Variants in RFX7 observed in about 807,000 individuals in gnomAD.
RFX7 encodes the protein regulatory factor X7, also known as DNA-binding protein RFX7.
Under a neutral mutation model 111.8 loss-of-function variants are expected in RFX7, and 26 were observed. The observed-to-expected ratio is 0.23, with a 90% CI of 0.17 to 0.32. The LOEUF (loss-of-function observed/expected upper bound fraction) is 0.32, where lower values mean the gene tolerates loss of function less well. RFX7 is among the 10% of genes least tolerant of loss of function. The probability of loss-of-function intolerance (pLI) is 1.00; values close to 1 mark genes in which losing one functional copy is unlikely to be tolerated. For missense variants in RFX7, 1,573 were observed against 1,772.9 expected, an observed-to-expected ratio of 0.89 and a Z score of 2.02; for synonymous variants, 624 against 624.4, an observed-to-expected ratio of 1.00 and a Z score of 0.01.
At chr15:56,190,493 C>T (rs1463747132) in intron 2 of RFX7, among the ~76,000 whole-genome samples, 1 of 152,230 alleles carries the variant, frequency 6.6e-6, no homozygotes, top group African/African-American at 2.4e-5. Context: ...ATTCTATCTT[C>T]AGAACTCTTC....
At chr15:56,112,700 T>TCA (rs1187129492) in intron 5 of RFX7, among the ~76,000 whole-genome samples, 1 of 152,046 alleles carries the variant, frequency 6.6e-6, no homozygotes, top group Non-Finnish European at 1.5e-5. Flanking sequence ...GAAACTATCA[T>TCA]CAGAGCGAAC....
intron 5 of RFX7, among the ~76,000 whole-genome samples, chr15:56,111,175 G>T (rs9672209): frequency 0.95 from 124,495 of 130,384 alleles, 59,802 homozygotes; most frequent in East Asian, 1. Context: ...GAACGGGCCA[G>T]GATGACAATG....
At chr15:56,150,232 T>C (rs1321165319) in intron 3 of RFX7, among the ~76,000 whole-genome samples, 6 of 152,084 alleles carry the variant, frequency 3.9e-5, no homozygotes, top group Admixed American at 3.3e-4. Context: ...AGTCAGTGGC[T>C]TATAGCAGAC....
rs973600964 is a variant in RFX7, at chr15:56,095,414, T to C, written c.2314A>G (p.Lys772Glu). 1.2e-6 allele frequency: 2 copies of C among 1,613,182 alleles called. No homozygotes were observed. The highest frequency in any genetic ancestry group is 1.3e-5 in the African/African-American group (1 of 74,932). ...GSVFLLDSDS[K>E]SVGSFNPNGW... Reference sequence around the variant, plus strand: ...TTTGGATTAAAGCTGCCAACTGACTTTGAATCACTGTCCAAGAGAAAGACA... The same window carrying C: ...TTTGGATTAAAGCTGCCAACTGACTCTGAATCACTGTCCAAGAGAAAGACA... The change falls in exon 10 of 10, where the codon AAG becomes GAG. Residue 772 changes from lysine to glutamate, a missense_variant. Coordinates refer to ENST00000559447, the MANE Select transcript of RFX7 (RefSeq NM_022841.7).
chr15:56,239,628 T>C (rs185302008), intron 2 of RFX7, among the ~76,000 whole-genome samples: 2 of 152,290 alleles, frequency 1.3e-5, no homozygotes, highest in East Asian at 1.9e-4. Context: ...AATTTTTCAC[T>C]TGTGGCACTA....
At chr15:56,217,472 T>C (rs1279322841) in intron 2 of RFX7, among the ~76,000 whole-genome samples, 2 of 151,940 alleles carry the variant, frequency 1.3e-5, no homozygotes, top group Non-Finnish European at 2.9e-5. Flanking sequence ...AGGACAGTTG[T>C]CTTGAGAATG....
chr15:56,232,723 C>T (rs1468514570), intron 2 of RFX7, among the ~76,000 whole-genome samples: 2 of 152,176 alleles, frequency 1.3e-5, no homozygotes, highest in Non-Finnish European at 2.9e-5. Context: ...ATTGCTTCTG[C>T]CAGATACCCT....
At chr15:56,131,920 A>C (rs899186702) in intron 5 of RFX7, among the ~76,000 whole-genome samples, 2 of 152,020 alleles carry the variant, frequency 1.3e-5, no homozygotes, top group Non-Finnish European at 2.9e-5. Flanking sequence ...ACAACATAAA[A>C]ATAACAGAAA....
intron 3 of RFX7, among the ~76,000 whole-genome samples, chr15:56,174,312 G>C (rs2042877730): frequency 6.6e-6 from 1 of 151,940 alleles, no homozygotes; most frequent in South Asian, 2.1e-4. Flanking sequence ...TTCTAGAACT[G>C]AAAAAAATAT....
At chr15:56,154,824 C>G (rs1420831418) in intron 3 of RFX7, among the ~76,000 whole-genome samples, 1 of 152,134 alleles carries the variant, frequency 6.6e-6, no homozygotes, top group Admixed American at 6.5e-5. Flanking sequence ...GCAAAAGAAA[C>G]TATCATCAGA....
intron 8 of RFX7, among the ~76,000 whole-genome samples, chr15:56,099,089 T>A (rs2041719561): frequency 6.6e-6 from 1 of 152,016 alleles, no homozygotes; most frequent in South Asian, 2.1e-4. Context: ...AAATATAAAT[T>A]TTAGGAAAAA....
At chr15:56,213,032 G>A (rs1397732886) in intron 2 of RFX7, among the ~76,000 whole-genome samples, 1 of 152,150 alleles carries the variant, frequency 6.6e-6, no homozygotes, top group Non-Finnish European at 1.5e-5. Context: ...ATACTGGCAA[G>A]GATATTGAAA....
chr15:56,118,548 G>C (rs773326861), intron 5 of RFX7, among the ~76,000 whole-genome samples: 2 of 152,138 alleles, frequency 1.3e-5, no homozygotes, highest in Non-Finnish European at 2.9e-5. Context: ...TGGCTGAATA[G>C]TACTCCATCT....
chr15:56,221,192 A>C (rs1258374573), intron 2 of RFX7, among the ~76,000 whole-genome samples: 1 of 152,174 alleles, frequency 6.6e-6, no homozygotes, highest in African/African-American at 2.4e-5. Flanking sequence ...CATAAATTTT[A>C]AGTTTTTTCT....
intron 3 of RFX7, among the ~76,000 whole-genome samples, chr15:56,149,015 G>A (rs538195217): frequency 2.0e-5 from 3 of 151,680 alleles, no homozygotes; most frequent in East Asian, 2.0e-4. Flanking sequence ...CCCGGAAGGC[G>A]GAGCTTGCAG....
At chr15:56,162,256 GA>G (rs1162295132) in intron 3 of RFX7, among the ~76,000 whole-genome samples, 6 of 151,996 alleles carry the variant, frequency 3.9e-5, no homozygotes, top group Non-Finnish European at 7.4e-5. Context: ...CCATTGAGAG[GA>G]AAAGTCAATT....
chr15:56,133,602 C>A (rs1250033039), intron 5 of RFX7, among the ~76,000 whole-genome samples: 1 of 151,982 alleles, frequency 6.6e-6, no homozygotes, highest in African/African-American at 2.4e-5. Context: ...TAATGAGTGC[C>A]TAATGATTGT....
At chr15:56,111,180 A>T (rs1366897882) in intron 5 of RFX7, among the ~76,000 whole-genome samples, 1 of 141,824 alleles carries the variant, frequency 7.1e-6, no homozygotes, top group Non-Finnish European at 1.5e-5. Context: ...GGCCAGGATG[A>T]CAATGGCGGT....
chr15:56,106,909 T>G lies in RFX7; in HGVS notation c.402-3239A>C, dbSNP rs188415214. Among the ~76,000 whole-genome samples, 62 of 152,290 alleles carry G rather than the reference T, an allele frequency of 4.1e-4. 1 individual carries two copies. The highest frequency in any genetic ancestry group is 2.3e-3 in the Admixed American group (35 of 15,302). On this transcript the variant is annotated intron_variant, in intron 5 of 9. Coordinates refer to ENST00000559447, the MANE Select transcript of RFX7 (RefSeq NM_022841.7). ...CAGGTTGACCAAGCAAGATACAGTGTCAATTGACTCTTAACTCAGTGTCAG... is the reference window on the plus strand; with the variant it reads ...CAGGTTGACCAAGCAAGATACAGTGGCAATTGACTCTTAACTCAGTGTCAG...
Sources: allele counts gnomAD v4.1 joint callset (sites outside exome capture counted in the v4.1 genomes callset), GRCh38; gene constraint gnomAD v4.1.1; transcripts MANE v1.5; gene names NCBI Gene and HGNC (gene_info 2026-07-23, HGNC 2026-07-21).